Variants in KREMEN1 observed in about 807,000 individuals in gnomAD.
KREMEN1 encodes kremen protein 1.
KREMEN1 carries 30 observed loss-of-function variants against 46.5 expected under a neutral mutation model. That is an observed-to-expected ratio of 0.65 (90% confidence interval 0.48 to 0.88). KREMEN1 has a LOEUF of 0.88. Ranked by LOEUF, KREMEN1 falls within the 40% of genes least tolerant of loss-of-function variation. The probability of loss-of-function intolerance (pLI) is 0.00; values close to 1 mark genes in which losing one functional copy is unlikely to be tolerated. For synonymous variants in KREMEN1, 214 were observed against 230.6 expected (o/e 0.93, Z 0.65); for missense variants, 533 against 596.9 (o/e 0.89, Z 1.11).
chr22:29,140,187 C>T (rs965818276), intron 7 of KREMEN1, 95 bp from the exon 8 acceptor site: 16 of 923,898 alleles, frequency 1.7e-5, no homozygotes, highest in Middle Eastern at 2.2e-4. Flanking sequence ...CAGGGAGCCC[C>T]TCAGCCAGAC....
chr22:29,152,930 G>A (rs1031243172), intron 9 of KREMEN1, among the ~76,000 whole-genome samples: 7 of 152,212 alleles, frequency 4.6e-5, no homozygotes, highest in African/African-American at 1.7e-4. Flanking sequence ...GGAGAGCAGC[G>A]GCATGGGCTG....
At chr22:29,125,135 G>A (rs564021636) in intron 4 of KREMEN1, 128 bp from the exon 5 acceptor site, 98 of 907,798 alleles carry the variant, frequency 1.1e-4, no homozygotes, top group Non-Finnish European at 1.5e-4. Flanking sequence ...AGAAGGGGGA[G>A]GTCCCAGGGG....
chr22:29,137,690 C>G lies in KREMEN1; in HGVS notation c.964+16C>G, dbSNP rs757298140. On this transcript the variant is annotated intron_variant, in intron 6 of 8. Coordinates refer to ENST00000400335, the MANE Select transcript of KREMEN1 (RefSeq NM_001039570.3). Reference sequence around the variant, plus strand: ...TTATACCAAGGTAAGACATCTTTGCCTCCTTGGGGGTTCTTCAGGGCCCAC... The same window carrying G: ...TTATACCAAGGTAAGACATCTTTGCGTCCTTGGGGGTTCTTCAGGGCCCAC... 4 of 1,569,116 alleles carry G rather than the reference C, an allele frequency of 2.5e-6. No individual in the cohort carries two copies. The highest frequency in any genetic ancestry group is 2.6e-6 in the Non-Finnish European group (3 of 1,146,668).
chr22:29,159,006 A>G (rs930327606), intron 9 of KREMEN1, among the ~76,000 whole-genome samples: 1 of 151,976 alleles, frequency 6.6e-6, no homozygotes, highest in African/African-American at 2.4e-5. Context: ...TTTAGTAGAG[A>G]CAGGGTTTCT....
At chr22:29,140,525 G>A (rs776123678) in intron 8 of KREMEN1, among the ~76,000 whole-genome samples, 159 bp downstream of exon 8, 11 of 152,224 alleles carry the variant, frequency 7.2e-5, no homozygotes, top group Non-Finnish European at 1.6e-4. Flanking sequence ...CCCCTTCTTT[G>A]TAGAGTGAAA....
In KREMEN1 at chr22:29,144,797, T is replaced by C. The variant is rs1328431938; in HGVS notation, c.*2685T>C. ...GTGTCCTGCAGCCCAAATGCCCACC[T>C]TGCCCTCCTCACATCTCAGTCAGGG... On this transcript the variant is annotated 3_prime_UTR_variant, in exon 9 of 9. Transcript: ENST00000400335. The C allele has an allele frequency of 3.0e-6, 3 of 985,404 alleles. No individual in the cohort carries two copies. The African/African-American group carries it at 5.2e-5, about 17-fold the overall frequency. The allele number at this position is 985,404 out of a possible 1,614,324, so 61.0% of individuals were successfully genotyped here.
rs142912051 is a variant in KREMEN1, at chr22:29,140,607, A to G, written c.1208+241A>G. ...TCTGTGTCCAAGGCATACAATTTCA[A>G]GGAGGATTGCAACATTCCTGGCTTA... On this transcript the variant is annotated intron_variant, in intron 8 of 8. Transcript: ENST00000400335. Among the ~76,000 whole-genome samples, 613 of 152,356 alleles carry G rather than the reference A, an allele frequency of 4.0e-3. 2 individuals are homozygous for G. The highest frequency in any genetic ancestry group is 0.014 in the African/African-American group (589 of 41,570).
rs1013850174 is a variant in KREMEN1, at chr22:29,144,146, C to T, written c.*2034C>T. The T allele has an allele frequency of 4.2e-5, 41 of 985,578 alleles. No homozygotes were observed. Among genetic ancestry groups the T allele is most frequent in the Middle Eastern group, 1.0e-3 (2 of 1,914 alleles). 61.1% of individuals were successfully genotyped at this position (985,578 alleles called of 1,614,324 possible). The stretch of plus-strand genomic sequence containing the variant: ...GGCACTTGGGCCTGGGTGATTGTTG[C>T]GCCTCTGGCTTTGGCGTTTCCTCTT... On this transcript the variant is annotated 3_prime_UTR_variant, in exon 9 of 9. Transcript: ENST00000400335.
chr22:29,085,284 G>A (rs2037711957), intron 1 of KREMEN1, among the ~76,000 whole-genome samples: 1 of 151,986 alleles, frequency 6.6e-6, no homozygotes, highest in Non-Finnish European at 1.5e-5. Flanking sequence ...TCTATCTCCC[G>A]ACTCCCACAA....
chr22:29,161,362 C>A (rs1803866477), intron 9 of KREMEN1, among the ~76,000 whole-genome samples: 1 of 151,884 alleles, frequency 6.6e-6, no homozygotes, highest in Admixed American at 6.6e-5. Flanking sequence ...AAAAAATTAG[C>A]CAGGCGTGGT....
intron 1 of KREMEN1, 122 bp from the exon 2 acceptor site, chr22:29,094,136 G>A: frequency 2.6e-6 from 2 of 763,178 alleles, no homozygotes; most frequent in Non-Finnish European, 4.3e-6. Context: ...ACTGTGTCCA[G>A]GATCTAGCAA....
intron 9 of KREMEN1, among the ~76,000 whole-genome samples, chr22:29,157,282 T>TG (rs1002678354): frequency 1.3e-5 from 2 of 152,096 alleles, no homozygotes; most frequent in African/African-American, 4.8e-5. Flanking sequence ...TTCTTTCCAG[T>TG]GGGGGAGCCG....
chr22:29,120,392 AG>A (rs2038325162), intron 3 of KREMEN1, among the ~76,000 whole-genome samples: 1 of 113,694 alleles, frequency 8.8e-6, no homozygotes, highest in Non-Finnish European at 2.0e-5. Context: ...TAATGGAAAC[AG>A]GGAGGAGGGA....
rs1346812039 is a variant in KREMEN1, at chr22:29,140,994, G to A, written c.1208+628G>A. Among the ~76,000 whole-genome samples, 7 of 152,074 alleles carry A rather than the reference G, an allele frequency of 4.6e-5. 1 individual carries two copies. Among genetic ancestry groups the A allele is most frequent in the Admixed American group, 3.3e-4 (5 of 15,264 alleles). ...TCCTAGACCCCTACTCTGTCTTTCC[G>A]GTGCTTTCTACTCCAGGTTCTTCTC... On this transcript the variant is annotated intron_variant, in intron 8 of 8. Coordinates refer to ENST00000400335, the MANE Select transcript of KREMEN1 (RefSeq NM_001039570.3).
chr22:29,105,172 G>A (rs1246427000), intron 3 of KREMEN1, among the ~76,000 whole-genome samples: 2 of 152,206 alleles, frequency 1.3e-5, no homozygotes, highest in Non-Finnish European at 2.9e-5. Flanking sequence ...TAGGGAGGCA[G>A]GGGCTACTGT....
At position 29,143,443 on chromosome 22, in the gene KREMEN1, G is replaced by A; in HGVS notation, c.*1331G>A. 1.0e-6 allele frequency: 1 copy of A among 985,132 alleles called. No homozygotes were observed. The highest frequency in any genetic ancestry group is 1.2e-6 in the Non-Finnish European group (1 of 829,922). 61.0% of individuals were successfully genotyped at this position (985,132 alleles called of 1,614,324 possible). ...CCTTCTGGTGTCCCCCGTGTTAAAA[G>A]ATAAAAAACACCCCAAGGGCCGGGC... On this transcript the variant is annotated 3_prime_UTR_variant, in exon 9 of 9. Transcript: ENST00000400335.
chr22:29,095,409 G>T (rs1368370808), intron 2 of KREMEN1, among the ~76,000 whole-genome samples: 1 of 152,224 alleles, frequency 6.6e-6, no homozygotes, highest in Non-Finnish European at 1.5e-5. Context: ...TCACTGGTAT[G>T]TAGGGTCCAG....
intron 5 of KREMEN1, among the ~76,000 whole-genome samples, chr22:29,135,163 G>A (rs147313636): frequency 1.2e-4 from 19 of 152,234 alleles, no homozygotes; most frequent in African/African-American, 3.6e-4. Flanking sequence ...GCTTTGCATC[G>A]GCTGCAGTAT....
intron 3 of KREMEN1, among the ~76,000 whole-genome samples, chr22:29,114,836 T>C (rs183014275): frequency 2.6e-4 from 40 of 152,246 alleles, no homozygotes; most frequent in Admixed American, 2.5e-3. Context: ...ATTTAAAGAG[T>C]AGGCTAAATT....
Sources: allele counts gnomAD v4.1 joint callset (sites outside exome capture counted in the v4.1 genomes callset), GRCh38; gene constraint gnomAD v4.1.1; transcripts MANE v1.5; gene names NCBI Gene and HGNC (gene_info 2026-07-23, HGNC 2026-07-21).